TSTD2: variants seen among roughly 807,000 people sequenced by gnomAD.
TSTD2 encodes the protein thiosulfate sulfurtransferase/rhodanese-like domain-containing protein 2.
Under a neutral mutation model 47.9 loss-of-function variants are expected in TSTD2, and 37 were observed. That is an observed-to-expected ratio of 0.77 (90% CI 0.59 to 1.02). TSTD2 has a LOEUF of 1.02. Among genes scored for constraint, TSTD2 ranks in the 50% least tolerant of loss-of-function variants. The pLI, the probability that TSTD2 is intolerant of heterozygous loss-of-function variation, is 0.00. For synonymous variants in TSTD2, 201 were observed against 215.9 expected (o/e 0.93, Z 0.61); for missense variants, 586 against 616.0 (o/e 0.95, Z 0.52).
chr9:97,619,342 C>T (rs1826594045), intron 3 of TSTD2, among the ~76,000 whole-genome samples: 1 of 152,184 alleles, frequency 6.6e-6, no homozygotes, highest in Non-Finnish European at 1.5e-5. Flanking sequence ...TTGAACTGTG[C>T]AGGTCCACTT....
Position 97,600,118 on chromosome 9 carries a change from G to A in TSTD2, c.*2351C>T, listed in dbSNP as rs1293591581. On this transcript the variant is annotated 3_prime_UTR_variant, in exon 10 of 10. Coordinates refer to ENST00000341170, the MANE Select transcript of TSTD2 (RefSeq NM_139246.5). The stretch of plus-strand genomic sequence containing the variant: ...TTATAAAACACTTTATTACAAATTT[G>A]TCTTAGCTATTAGCAAATAAAACTG... 7.0e-6 allele frequency: 7 copies of A among 1,004,114 alleles called. No individual in the cohort carries two copies. In the African/African-American group the frequency reaches 1.0e-4, roughly 15 times the overall value. The allele number at this position is 1,004,114 out of a possible 1,614,324, so 62.2% of individuals were successfully genotyped here. A position where few individuals can be genotyped will look rare whatever the true frequency, so the allele number is the denominator to read the frequency against.
intron 9 of TSTD2, 154 bp from the exon 10 acceptor site, chr9:97,602,921 T>A: frequency 1.5e-6 from 1 of 672,662 alleles, no homozygotes; most frequent in Non-Finnish European, 2.4e-6. Flanking sequence ...CAACAACAAC[T>A]AACCACCACC....
chr9:97,601,202 CATTCTGCAT>C lies in TSTD2; in HGVS notation c.*1258_*1266del. ...TCTCCTTAAAACACAATTGCAGCTG[CATTCTGCAT>C]CGCTGAAAACTGCAATATAATATTA... On this transcript the variant is annotated 3_prime_UTR_variant, in exon 10 of 10. Coordinates refer to ENST00000341170, the MANE Select transcript of TSTD2 (RefSeq NM_139246.5). The C allele has an allele frequency of 2.3e-6, 3 of 1,292,348 alleles. No individual in the cohort carries two copies. The highest frequency in any genetic ancestry group is 3.1e-6 in the Non-Finnish European group (3 of 981,934). The allele number at this position is 1,292,348 out of a possible 1,614,324, so 80.1% of individuals were successfully genotyped here.
intron 4 of TSTD2, among the ~76,000 whole-genome samples, chr9:97,612,291 G>A (rs1319879674): frequency 3.9e-5 from 6 of 152,186 alleles, no homozygotes. Context: ...ACTGTGAACA[G>A]TGCTGCAATG....
At chr9:97,607,796 C>CGAGT (rs1357569044) in intron 6 of TSTD2, among the ~76,000 whole-genome samples, 3 of 152,038 alleles carry the variant, frequency 2.0e-5, no homozygotes, top group Non-Finnish European at 4.4e-5. Context: ...CCCAGCTACT[C>CGAGT]AGTAGGCTGA....
intron 4 of TSTD2, 143 bp downstream of exon 4, chr9:97,617,614 T>C (rs968145134): frequency 1.8e-6 from 2 of 1,088,922 alleles, no homozygotes; most frequent in South Asian, 4.6e-5. Flanking sequence ...CTGCCTAATA[T>C]TCTACTTAAA....
rs1826622772 is a variant in TSTD2 at position 97,620,812 on chromosome 9, T to G, written c.483-2935A>C. ...ATCAGCAAAGCATTCAAGAGGTGAT[T>G]TGGGTGCTGTTAAAGGCATTCAGTT... On this transcript the variant is annotated intron_variant, in intron 3 of 9. Coordinates refer to ENST00000341170, the MANE Select transcript of TSTD2 (RefSeq NM_139246.5). Among the ~76,000 whole-genome samples the G allele has an allele frequency of 2.0e-5, 3 of 152,182 alleles. No individual in the cohort carries two copies. In the South Asian group the frequency reaches 6.2e-4, roughly 32 times the overall value.
chr9:97,626,085 T>C, intron 2 of TSTD2, 88 bp from the exon 3 acceptor site: 1 of 1,279,420 alleles, frequency 7.8e-7, no homozygotes, highest in Non-Finnish European at 1.1e-6. Flanking sequence ...TAGATTATCT[T>C]TCCACAGGGG....
At position 97,633,237 on chromosome 9, in the gene TSTD2, A is replaced by T. The variant is rs1464206819; in HGVS notation, c.-51+6T>A. 1 of 173,888 alleles carries T rather than the reference A, an allele frequency of 5.8e-6. No individual in the cohort carries two copies. Among genetic ancestry groups the T allele is most frequent in the Non-Finnish European group, 1.2e-5 (1 of 82,826 alleles). 10.8% of individuals were successfully genotyped at this position (173,888 alleles called of 1,614,324 possible). A position where few individuals can be genotyped will look rare whatever the true frequency, so the allele number is the denominator to read the frequency against. ...AGCCGGAAAGTGGGAGTAGATGAGC[A>T]CATACCCGCCAGTCCTGATCCTTTC... On this transcript the variant is annotated splice_donor_region_variant and intron_variant, in intron 1 of 9. Transcript: ENST00000341170.
chr9:97,615,935 CT>C (rs1475660948), intron 4 of TSTD2, among the ~76,000 whole-genome samples: 1 of 151,932 alleles, frequency 6.6e-6, no homozygotes, highest in Non-Finnish European at 1.5e-5. Context: ...AGCTTTTCCC[CT>C]TTAGGAGCTT....
intron 3 of TSTD2, among the ~76,000 whole-genome samples, chr9:97,622,134 G>C (rs1162942480): frequency 6.6e-6 from 1 of 152,184 alleles, no homozygotes; most frequent in African/African-American, 2.4e-5. Flanking sequence ...AATGCCTGAG[G>C]GTCTAGGAGG....
At chr9:97,629,539 T>G (rs1220942299) in intron 1 of TSTD2, among the ~76,000 whole-genome samples, 3 of 152,210 alleles carry the variant, frequency 2.0e-5, no homozygotes, top group Non-Finnish European at 4.4e-5. Flanking sequence ...TGGAAGAGAC[T>G]GGGTGAAGAA....
intron 1 of TSTD2, among the ~76,000 whole-genome samples, chr9:97,627,834 C>G (rs923697855): frequency 1.3e-5 from 2 of 152,164 alleles, no homozygotes; most frequent in Non-Finnish European, 2.9e-5. Context: ...TTTCTGCCTG[C>G]TTAGAGTTTA....
intron 1 of TSTD2, 147 bp from the exon 2 acceptor site, chr9:97,627,759 G>T: frequency 5.9e-6 from 3 of 508,744 alleles, no homozygotes; most frequent in Non-Finnish European, 1.0e-5. Flanking sequence ...ATTTACTTAG[G>T]AACGACTCGA....
In TSTD2 at chr9:97,602,363, C is replaced by A; in HGVS notation, c.*106G>T. The A allele has an allele frequency of 4.4e-6, 6 of 1,374,428 alleles. No individual in the cohort carries two copies. The highest frequency in any genetic ancestry group is 4.8e-6 in the Non-Finnish European group (5 of 1,034,614). The allele number at this position is 1,374,428 out of a possible 1,614,324, so 85.1% of individuals were successfully genotyped here. On this transcript the variant is annotated 3_prime_UTR_variant, in exon 10 of 10. Coordinates refer to ENST00000341170, the MANE Select transcript of TSTD2 (RefSeq NM_139246.5). ...GCTGCCACGGTGGCAGCGGCCAGAACTGAAGTTCCCGATTTCTCTGTTTCT... is the reference window on the plus strand; with the variant it reads ...GCTGCCACGGTGGCAGCGGCCAGAAATGAAGTTCCCGATTTCTCTGTTTCT...
Position 97,627,543 on chromosome 9 carries a change from GGT to G in TSTD2, c.18_19del (p.Pro7ArgfsTer5). On this transcript the variant is annotated frameshift_variant, in exon 2 of 10. Coordinates refer to ENST00000341170, the MANE Select transcript of TSTD2 (RefSeq NM_139246.5). LOFTEE classifies it high-confidence loss of function. The stretch of plus-strand genomic sequence containing the variant: ...GTTCTCCAGGTCATCTCCTTGGTCT[GGT>G]GAAGTGGAAGAAGGCATCTGGTTTG... 6.2e-7 allele frequency: 1 copy of G among 1,608,048 alleles called. No individual in the cohort carries two copies. Among genetic ancestry groups the G allele is most frequent in the Non-Finnish European group, 8.5e-7 (1 of 1,176,226 alleles).
At chr9:97,617,731 G>A (rs369767005) in intron 4 of TSTD2, 26 bp downstream of exon 4, 4 of 1,593,524 alleles carry the variant, frequency 2.5e-6, no homozygotes, top group Non-Finnish European at 2.6e-6. Context: ...ACCCAGTGAA[G>A]GAAGGAATAT....
intron 2 of TSTD2, 82 bp from the exon 3 acceptor site, chr9:97,626,079 TTA>T (rs1427279479): frequency 1.5e-6 from 2 of 1,356,410 alleles, no homozygotes; most frequent in Non-Finnish European, 2.0e-6. Flanking sequence ...ATTCTTTAGA[TTA>T]TCTTTCCACA....
chr9:97,624,833 C>T (rs1826694231), intron 3 of TSTD2, among the ~76,000 whole-genome samples: 1 of 152,044 alleles, frequency 6.6e-6, no homozygotes, highest in South Asian at 2.1e-4. Context: ...ATGTGCAATG[C>T]TACATTCCCC....
Sources: gnomAD v4.1 joint callset for allele counts (sites outside exome capture counted in the v4.1 genomes callset) on GRCh38, gnomAD v4.1.1 for gene constraint, MANE v1.5 for transcripts, NCBI Gene and HGNC (gene_info 2026-07-23, HGNC 2026-07-21) for gene names.